Variants in HPSE2 observed in about 807,000 individuals in gnomAD.
HPSE2 encodes the protein inactive heparanase-2.
A neutral mutation model predicts 60.5 loss-of-function variants in HPSE2; 38 were observed. The observed-to-expected ratio is 0.63, with a 90% CI of 0.48 to 0.82. The LOEUF (loss-of-function observed/expected upper bound fraction) is 0.82. Ranked by LOEUF, HPSE2 falls within the 40% of genes least tolerant of loss-of-function variation. The probability of loss-of-function intolerance (pLI) is 0.00; values close to 1 mark genes in which losing one functional copy is unlikely to be tolerated. For synonymous variants in HPSE2, 295 were observed against 293.2 expected (o/e 1.01, Z -0.06); for missense variants, 713 against 740.4 (o/e 0.96, Z 0.43).
intron 3 of HPSE2, among the ~76,000 whole-genome samples, chr10:99,007,383 C>T (rs1268141721): frequency 6.6e-6 from 1 of 152,162 alleles, no homozygotes; most frequent in Non-Finnish European, 1.5e-5. Context: ...CCACACTTTG[C>T]TGCCTGGAGT....
intron 3 of HPSE2, among the ~76,000 whole-genome samples, chr10:98,994,867 T>A (rs1400518653): frequency 6.6e-6 from 1 of 151,948 alleles, no homozygotes; most frequent in Admixed American, 6.5e-5. Context: ...GGCAGAGTGG[T>A]GGCTATAGCC....
chr10:99,259,297 A>AC, the HPSE2 span, among the ~76,000 whole-genome samples: 656 of 89,648 alleles, frequency 7.3e-3, 8 homozygotes, highest in Non-Finnish European at 9.1e-3. Flanking sequence ...CAAGAGCAAA[A>AC]CCCCCCCCAC....
At chr10:99,168,010 C>T (rs1847152430) in intron 2 of HPSE2, among the ~76,000 whole-genome samples, 1 of 151,152 alleles carries the variant, frequency 6.6e-6, no homozygotes, top group African/African-American at 2.4e-5. Context: ...TTCCAGTTTG[C>T]TGAGAGTTTT....
chr10:98,518,874 C>G (rs561420846), intron 9 of HPSE2, among the ~76,000 whole-genome samples: 55 of 152,160 alleles, frequency 3.6e-4, no homozygotes, highest in Non-Finnish European at 6.9e-4. Context: ...AACGCCTGCA[C>G]AATATGAGCA....
chr10:99,243,521 C>T, the HPSE2 span, among the ~76,000 whole-genome samples: 1 of 152,094 alleles, frequency 6.6e-6, no homozygotes, highest in East Asian at 1.9e-4. Flanking sequence ...TGTTCTATAG[C>T]TTCATTAACT....
chr10:99,087,587 G>A (rs1177881870), intron 3 of HPSE2, among the ~76,000 whole-genome samples: 3 of 152,142 alleles, frequency 2.0e-5, no homozygotes, highest in South Asian at 2.1e-4. Flanking sequence ...TGAAGGCTGC[G>A]ATCAAGTGAA....
intron 3 of HPSE2, among the ~76,000 whole-genome samples, chr10:98,946,400 G>A (rs1361669160): frequency 2.7e-5 from 4 of 150,430 alleles, no homozygotes; most frequent in East Asian, 2.0e-4. Flanking sequence ...TTCAGCCCAC[G>A]AGTTTTAGAC....
chr10:98,510,251 G>A (rs1942345009), intron 9 of HPSE2, among the ~76,000 whole-genome samples: 1 of 152,122 alleles, frequency 6.6e-6, no homozygotes. Flanking sequence ...GAGGACCCTT[G>A]TTTCAGAAGG....
chr10:98,553,537 C>T (rs149422304), intron 9 of HPSE2, among the ~76,000 whole-genome samples: 17 of 152,298 alleles, frequency 1.1e-4, no homozygotes, highest in Admixed American at 3.9e-4. Flanking sequence ...ACTTTTTGCA[C>T]GGAACACACC....
At chr10:98,590,583 C>T (rs543609210) in intron 9 of HPSE2, among the ~76,000 whole-genome samples, 52 of 152,316 alleles carry the variant, frequency 3.4e-4, no homozygotes, top group African/African-American at 1.3e-3. Context: ...CCATGATGCG[C>T]TTATCTGTTG....
intron 5 of HPSE2, among the ~76,000 whole-genome samples, chr10:98,713,358 A>G (rs1224852430): frequency 1.3e-5 from 2 of 152,164 alleles, no homozygotes; most frequent in East Asian, 3.9e-4. Flanking sequence ...GTGAACAGAT[A>G]GGAGGGGAAC....
intron 3 of HPSE2, among the ~76,000 whole-genome samples, chr10:98,892,228 T>A (rs1193030876): frequency 6.6e-6 from 1 of 151,534 alleles, no homozygotes; most frequent in Non-Finnish European, 1.5e-5. Flanking sequence ...AAAAGAAAAA[T>A]TTACACTATA....
chr10:99,179,645 G>T (rs1847676747), intron 2 of HPSE2, among the ~76,000 whole-genome samples: 1 of 151,950 alleles, frequency 6.6e-6, no homozygotes, highest in South Asian at 2.1e-4. Context: ...CATGCTTATG[G>T]ATAGGAAGAA....
Position 98,459,511 on chromosome 10 carries a change from A to G in HPSE2, c.*63T>C. ...AGGATGTCTGAAAACAGAGGATACTACTGGAGTGGAGGAGTGGAAGCAGCC... is the reference window on the plus strand; with the variant it reads ...AGGATGTCTGAAAACAGAGGATACTGCTGGAGTGGAGGAGTGGAAGCAGCC... On this transcript the variant is annotated 3_prime_UTR_variant, in exon 12 of 12. Transcript: ENST00000370552. The G allele has an allele frequency of 6.5e-7, 1 of 1,530,990 alleles. No individual in the cohort carries two copies. Among genetic ancestry groups the G allele is most frequent in the South Asian group, 1.1e-5 (1 of 89,278 alleles). 94.8% of individuals were successfully genotyped at this position (1,530,990 alleles called of 1,614,324 possible). A position where few individuals can be genotyped will look rare whatever the true frequency, so the allele number is the denominator to read the frequency against.
At chr10:99,046,395 A>G (rs1197679604) in intron 3 of HPSE2, among the ~76,000 whole-genome samples, 2 of 152,158 alleles carry the variant, frequency 1.3e-5, no homozygotes, top group Non-Finnish European at 2.9e-5. Context: ...CAAAAACTGG[A>G]AGCATTCCCC....
chr10:98,838,396 T>TATC (rs1397849246), intron 3 of HPSE2, among the ~76,000 whole-genome samples: 2 of 152,212 alleles, frequency 1.3e-5, no homozygotes, highest in Non-Finnish European at 2.9e-5. Context: ...ATATTATTTC[T>TATC]ATCTGTGATA....
intron 4 of HPSE2, among the ~76,000 whole-genome samples, chr10:98,723,952 G>A (rs1004387775): frequency 6.6e-6 from 1 of 152,066 alleles, no homozygotes; most frequent in Non-Finnish European, 1.5e-5. Flanking sequence ...GGTTTTTTGT[G>A]TCTCTATTTC....
chr10:99,290,240 T>A, the HPSE2 span, among the ~76,000 whole-genome samples: 1 of 152,260 alleles, frequency 6.6e-6, no homozygotes, highest in African/African-American at 2.4e-5. Flanking sequence ...GCAGATATAA[T>A]GGAGAAGTGA....
intron 7 of HPSE2, among the ~76,000 whole-genome samples, chr10:98,632,930 T>G (rs1311707910): frequency 6.6e-6 from 1 of 152,148 alleles, no homozygotes; most frequent in East Asian, 1.9e-4. Flanking sequence ...CGACATGGGT[T>G]TGAACTGTGC....
Sources: allele counts gnomAD v4.1 joint callset (sites outside exome capture counted in the v4.1 genomes callset), GRCh38; gene constraint gnomAD v4.1.1; transcripts MANE v1.5; gene names NCBI Gene and HGNC (gene_info 2026-07-23, HGNC 2026-07-21).